Variants in CPEB3 observed in about 807,000 individuals in gnomAD.
The protein encoded by CPEB3 is cytoplasmic polyadenylation element-binding protein 3.
Under a neutral mutation model 67.2 loss-of-function variants are expected in CPEB3, and 20 were observed. The observed-to-expected ratio is 0.30, with a 90% CI of 0.21 to 0.43. The LOEUF is 0.43. CPEB3 is among the 20% of genes least tolerant of loss of function. The probability of loss-of-function intolerance (pLI) is 1.00; values close to 1 mark genes in which losing one functional copy is unlikely to be tolerated. For missense variants in CPEB3, 746 were observed against 968.6 expected (o/e 0.77, Z 3.05); for synonymous variants, 376 against 393.1 (o/e 0.96, Z 0.51).
chr10:92,169,754 T>TG (rs1022957257), intron 4 of CPEB3, among the ~76,000 whole-genome samples: 1 of 152,238 alleles, frequency 6.6e-6, no homozygotes, highest in Non-Finnish European at 1.5e-5. Context: ...CCACTTTTAC[T>TG]GGGGGGCCAT....
At chr10:92,257,543 G>A (rs1852571790) in intron 1 of CPEB3, among the ~76,000 whole-genome samples, 1 of 151,978 alleles carries the variant, frequency 6.6e-6, no homozygotes, top group African/African-American at 2.4e-5. Context: ...CAATCCTCCT[G>A]CCTTGGCCTC....
intron 6 of CPEB3, chr10:92,137,475 G>A (rs1419907064): frequency 8.2e-7 from 1 of 1,225,862 alleles, no homozygotes; most frequent in Non-Finnish European, 1.2e-6. Context: ...GCAACACCCA[G>A]GTGGTTTTGC....
intron 9 of CPEB3, among the ~76,000 whole-genome samples, chr10:92,072,347 A>G (rs1158924236): frequency 5.3e-5 from 8 of 152,176 alleles, no homozygotes; most frequent in Non-Finnish European, 1.5e-5. Flanking sequence ...GAACTGAATA[A>G]ATACTTTAAA....
chr10:92,193,040 C>T (rs1477247091), intron 2 of CPEB3, among the ~76,000 whole-genome samples: 2 of 152,070 alleles, frequency 1.3e-5, no homozygotes, highest in Non-Finnish European at 2.9e-5. Context: ...GGTGGAACCT[C>T]GCCTCTACTA....
chr10:92,223,567 CTTTTTTTTTTTT>C (rs903904452), intron 2 of CPEB3, among the ~76,000 whole-genome samples: 4 of 84,146 alleles, frequency 4.8e-5, no homozygotes, highest in African/African-American at 1.6e-4. Flanking sequence ...CTAATTATTT[CTTTTTTTTTTTT>C]TTTTTTTTTT....
At chr10:92,283,138 G>A (rs1842370461) in intron 1 of CPEB3, among the ~76,000 whole-genome samples, 1 of 152,038 alleles carries the variant, frequency 6.6e-6, no homozygotes, top group African/African-American at 2.4e-5. Flanking sequence ...TGTAGTCCTA[G>A]CTACTCAGGA....
chr10:92,225,453 C>G (rs530320964), intron 2 of CPEB3, among the ~76,000 whole-genome samples: 24 of 152,242 alleles, frequency 1.6e-4, no homozygotes, highest in African/African-American at 5.8e-4. Context: ...GGGAGGATCT[C>G]TTGAACCCAG....
intron 9 of CPEB3, among the ~76,000 whole-genome samples, chr10:92,080,950 G>A (rs1158711336): frequency 1.3e-5 from 2 of 152,138 alleles, no homozygotes; most frequent in Admixed American, 6.6e-5. Flanking sequence ...ACTCCTGAAT[G>A]TTTAAATGTT....
In CPEB3 at chr10:92,147,514, T is replaced by A. The variant is rs145430370; in HGVS notation, c.1223-2429A>T. Among the ~76,000 whole-genome samples, 604 of 152,076 alleles carry A rather than the reference T, an allele frequency of 4.0e-3. 2 individuals are homozygous for A. The highest frequency in any genetic ancestry group is 0.024 in the Middle Eastern group (7 of 288). On this transcript the variant is annotated intron_variant, in intron 4 of 9. Transcript: ENST00000265997. ...CAGATGTTAAAGGAACCCTTTACCATACAAAACTCAGTGGAAAACACTTGA... is the reference window on the plus strand; with the variant it reads ...CAGATGTTAAAGGAACCCTTTACCAAACAAAACTCAGTGGAAAACACTTGA...
At chr10:92,135,675 G>A (rs1426031234) in intron 6 of CPEB3, among the ~76,000 whole-genome samples, 1 of 151,990 alleles carries the variant, frequency 6.6e-6, no homozygotes, top group Non-Finnish European at 1.5e-5. Flanking sequence ...ATGCCCAAAG[G>A]ATTATAAATC....
chr10:92,240,258 G>A lies in CPEB3; in HGVS notation c.93C>T (p.Ser31=). ...RQQQQPQPES[S]VSEAPSTPLS... ...GGGGCGTGGACGGGGCTTCGGATAC[G>A]CTGGACTCAGGTTGGGGCTGCTGCT... is the stretch of plus-strand genomic sequence containing the variant. The change falls in exon 2 of 10, where the codon AGC becomes AGT. Residue 31 remains serine (S), a synonymous_variant. Coordinates refer to ENST00000265997, the MANE Select transcript of CPEB3 (RefSeq NM_014912.5). The A allele has an allele frequency of 1.3e-6, 2 of 1,516,346 alleles. No individual in the cohort carries two copies. The highest frequency in any genetic ancestry group is 1.8e-6 in the Non-Finnish European group (2 of 1,130,924). 93.9% of individuals were successfully genotyped at this position (1,516,346 alleles called of 1,614,324 possible). A position where few individuals can be genotyped will look rare whatever the true frequency, so the allele number is the denominator to read the frequency against.
At chr10:92,176,599 AACTTTCC>A (rs1848230416) in intron 4 of CPEB3, among the ~76,000 whole-genome samples, 1 of 152,268 alleles carries the variant, frequency 6.6e-6, no homozygotes, top group Non-Finnish European at 1.5e-5. Context: ...CCTATCAAGC[AACTTTCC>A]GATATTTATC....
Position 92,081,291 on chromosome 10 carries a change from TAGCAGTTTCACCCTA to T in CPEB3, c.1869+14_1869+28del. 3 of 1,613,154 alleles carry T rather than the reference TAGCAGTTTCACCCTA, an allele frequency of 1.9e-6. No homozygotes were observed. The highest frequency in any genetic ancestry group is 2.5e-6 in the Non-Finnish European group (3 of 1,179,156). ...CAGAACAAACTTCTTTTCTCTCCCA[TAGCAGTTTCACCCTA>T]AGTAGGTGCTTACCCGTTTGTCAAT... On this transcript the variant is annotated intron_variant, in intron 9 of 9. Transcript: ENST00000265997.
chr10:92,167,355 T>C (rs543850280), intron 4 of CPEB3, among the ~76,000 whole-genome samples: 8 of 152,248 alleles, frequency 5.3e-5, no homozygotes, highest in African/African-American at 1.9e-4. Context: ...ACATGCCTTC[T>C]TCATTAAGCT....
At chr10:92,054,395 C>T (rs1451745089) in intron 9 of CPEB3, among the ~76,000 whole-genome samples, 2 of 151,962 alleles carry the variant, frequency 1.3e-5, no homozygotes, top group Non-Finnish European at 2.9e-5. Context: ...AACTATTTCT[C>T]ATCATTTGCT....
chr10:92,146,431 T>C (rs1460697471), intron 4 of CPEB3, among the ~76,000 whole-genome samples: 2 of 151,610 alleles, frequency 1.3e-5, no homozygotes, highest in African/African-American at 4.8e-5. Flanking sequence ...CTAAAATAAA[T>C]TAATATACTC....
intron 2 of CPEB3, among the ~76,000 whole-genome samples, chr10:92,225,406 A>G (rs1850921060): frequency 6.6e-6 from 1 of 152,184 alleles, no homozygotes; most frequent in Non-Finnish European, 1.5e-5. Context: ...GTATGGTAGC[A>G]CATGCTTATA....
At chr10:92,284,783 CTG>C (rs112022853) in intron 1 of CPEB3, among the ~76,000 whole-genome samples, 2 of 152,258 alleles carry the variant, frequency 1.3e-5, no homozygotes, top group African/African-American at 4.8e-5. Context: ...AAGGTAAAAA[CTG>C]TGCTTGTTTT....
intron 7 of CPEB3, among the ~76,000 whole-genome samples, chr10:92,100,126 C>T (rs557531920): frequency 6.6e-6 from 1 of 152,220 alleles, no homozygotes; most frequent in Admixed American, 6.5e-5. Flanking sequence ...CAGAACCAGC[C>T]CTTGTCTCAG....
Sources: gnomAD v4.1 joint callset for allele counts (sites outside exome capture counted in the v4.1 genomes callset) on GRCh38, gnomAD v4.1.1 for gene constraint, MANE v1.5 for transcripts, NCBI Gene and HGNC (gene_info 2026-07-23, HGNC 2026-07-21) for gene names.